Variants in SLC25A15 observed in about 807,000 individuals in gnomAD.
SLC25A15 encodes the protein solute carrier family 25 member 15.
In SLC25A15, 24 loss-of-function variants were observed where a neutral mutation model predicts 32.3. The ratio of observed to expected loss-of-function variants is 0.74; its 90% confidence interval spans 0.54 to 1.04. The LOEUF (loss-of-function observed/expected upper bound fraction) is 1.04. SLC25A15 is among the 50% of genes least tolerant of loss of function. SLC25A15 has a pLI of 0.00. For synonymous variants in SLC25A15, 132 were observed against 142.1 expected, an observed-to-expected ratio of 0.93 and a Z score of 0.51; for missense variants, 317 against 374.5, an observed-to-expected ratio of 0.85 and a Z score of 1.27.
chr13:40,811,846 G>A lies in SLC25A15; in HGVS notation c.*2179G>A, dbSNP rs1043329024. ...TGTACAAAACCTCCAGGTTCCTTAA[G>A]CTTTTTGCTGTCCATGAATCCTCTG... On this transcript the variant is annotated 3_prime_UTR_variant, in exon 7 of 7. Transcript: ENST00000338625. 1.4e-4 allele frequency among the ~76,000 whole-genome samples: 22 copies of A among 152,156 alleles called. No individual in the cohort carries two copies. Among genetic ancestry groups the A allele is most frequent in the African/African-American group, 4.1e-4 (17 of 41,442 alleles).
In SLC25A15 at chr13:40,811,405, C is replaced by G. The variant is rs1452036110; in HGVS notation, c.*1738C>G. 6.6e-6 allele frequency among the ~76,000 whole-genome samples: 1 copy of G among 152,090 alleles called. No individual in the cohort carries two copies. The highest frequency in any genetic ancestry group is 1.9e-4 in the East Asian group (1 of 5,178). On this transcript the variant is annotated 3_prime_UTR_variant, in exon 7 of 7. Coordinates refer to ENST00000338625, the MANE Select transcript of SLC25A15 (RefSeq NM_014252.4). Reference sequence around the variant, plus strand: ...TCAGGAGGCTGAGGCAGGAGAATCGCTTGAACCCGGGAGGCAGAGGTTGCA... The same window carrying G: ...TCAGGAGGCTGAGGCAGGAGAATCGGTTGAACCCGGGAGGCAGAGGTTGCA...
intron 3 of SLC25A15, 22 bp downstream of exon 3, chr13:40,799,337 T>A: frequency 6.2e-7 from 1 of 1,613,962 alleles, no homozygotes. Flanking sequence ...ACACACACTT[T>A]TTTTATTTGT....
chr13:40,794,340 C>CAA (rs148747444), intron 2 of SLC25A15, among the ~76,000 whole-genome samples: 3 of 87,900 alleles, frequency 3.4e-5, no homozygotes, highest in Non-Finnish European at 4.7e-5. Flanking sequence ...AACTCTGTCT[C>CAA]AAAAAAAAAA....
chr13:40,804,613 G>A lies in SLC25A15; in HGVS notation c.315-505G>A, dbSNP rs192149769. Among the ~76,000 whole-genome samples, 402 of 150,594 alleles carry A rather than the reference G, an allele frequency of 2.7e-3. 1 individual carries two copies. The highest frequency in any genetic ancestry group is 9.5e-3 in the African/African-American group (390 of 40,988). On this transcript the variant is annotated intron_variant, in intron 3 of 6. Coordinates refer to ENST00000338625, the MANE Select transcript of SLC25A15 (RefSeq NM_014252.4). ...CTAGAGTACAGTGGCACAATCTCAG[G>A]TCACTGCAAGCTCTGCCTCCTGGGT...
In SLC25A15 at chr13:40,799,174, TG is replaced by T; in HGVS notation, c.176del (p.Gly59AlafsTer13). The T allele has an allele frequency of 6.2e-7, 1 of 1,614,168 alleles. No homozygotes were observed. Among genetic ancestry groups the T allele is most frequent in the Non-Finnish European group, 8.5e-7 (1 of 1,180,014 alleles). ...TGCTGCCTGAAGACTTACTCCCAGG[TG>T]GGCTTCCGTGGCTTCTACAAGGGTA... ...TDCCLKTYSQVGFRGFYKGTS... is the reference protein window; with the variant it reads ...TDCCLKTYSQXGFRGFYKGTS... On this transcript the variant is annotated frameshift_variant, in exon 3 of 7. Coordinates refer to ENST00000338625, the MANE Select transcript of SLC25A15 (RefSeq NM_014252.4). LOFTEE classifies it high-confidence loss of function.
intron 3 of SLC25A15, among the ~76,000 whole-genome samples, chr13:40,803,610 C>T (rs1334582585): frequency 6.6e-6 from 1 of 152,206 alleles, no homozygotes; most frequent in East Asian, 1.9e-4. Context: ...GCATTCATCC[C>T]TCTGCCTAGT....
At chr13:40,809,062 C>G (rs998423536) in intron 6 of SLC25A15, among the ~76,000 whole-genome samples, 1 of 152,058 alleles carries the variant, frequency 6.6e-6, no homozygotes, top group Non-Finnish European at 1.5e-5. Flanking sequence ...CATAGTAATC[C>G]TCCCTTACAT....
chr13:40,802,544 T>C (rs916218611), intron 3 of SLC25A15, among the ~76,000 whole-genome samples: 2 of 151,750 alleles, frequency 1.3e-5, no homozygotes, highest in Admixed American at 1.3e-4. Context: ...CTGGAAAAAC[T>C]TGAGTACCCC....
At chr13:40,793,349 G>A in intron 2 of SLC25A15, 68 bp downstream of exon 2, 1 of 1,279,144 alleles carries the variant, frequency 7.8e-7, no homozygotes, top group South Asian at 1.2e-5. Context: ...GTGGTCCCAT[G>A]AGATTATACT....
At chr13:40,798,917 A>G in intron 2 of SLC25A15, 140 bp from the exon 3 acceptor site, 1 of 1,579,220 alleles carries the variant, frequency 6.3e-7, no homozygotes, top group Non-Finnish European at 8.6e-7. Flanking sequence ...TTTACTGGAC[A>G]TGGCTGGAAG....
rs150310747 is a variant in SLC25A15 at position 40,811,095 on chromosome 13, C to G, written c.*1428C>G. Among the ~76,000 whole-genome samples the G allele has an allele frequency of 6.6e-6, 1 of 152,316 alleles. No homozygotes were observed. The highest frequency in any genetic ancestry group is 1.9e-4 in the East Asian group (1 of 5,188). On this transcript the variant is annotated 3_prime_UTR_variant, in exon 7 of 7. Coordinates refer to ENST00000338625, the MANE Select transcript of SLC25A15 (RefSeq NM_014252.4). ...CCATCCTGAAGCCTGTCTTGCCATG[C>G]TTTTACAGTGTTGGAGGCTTCTACA...
intron 2 of SLC25A15, among the ~76,000 whole-genome samples, chr13:40,797,657 G>C (rs963542040): frequency 6.6e-6 from 1 of 152,126 alleles, no homozygotes; most frequent in African/African-American, 2.4e-5. Flanking sequence ...TTAAAAAAGA[G>C]ATCAAGCAGT....
At chr13:40,805,294 C>A (rs1025716214) in intron 4 of SLC25A15, 39 bp downstream of exon 4, 3 of 1,611,994 alleles carry the variant, frequency 1.9e-6, no homozygotes, top group East Asian at 2.2e-5. Flanking sequence ...GTCTCTATTG[C>A]CCTAGTGTAT....
In SLC25A15 at chr13:40,811,411, C is replaced by T. The variant is rs1037500048; in HGVS notation, c.*1744C>T. ...GGCTGAGGCAGGAGAATCGCTTGAA[C>T]CCGGGAGGCAGAGGTTGCAGTGAAC... On this transcript the variant is annotated 3_prime_UTR_variant, in exon 7 of 7. Transcript: ENST00000338625. Among the ~76,000 whole-genome samples, 3 of 152,240 alleles carry T rather than the reference C, an allele frequency of 2.0e-5. No individual in the cohort carries two copies. The highest frequency in any genetic ancestry group is 7.2e-5 in the African/African-American group (3 of 41,544).
At chr13:40,801,380 T>G (rs959085550) in intron 3 of SLC25A15, among the ~76,000 whole-genome samples, 1 of 151,452 alleles carries the variant, frequency 6.6e-6, no homozygotes, top group Non-Finnish European at 1.5e-5. Flanking sequence ...TCTCTTAGAG[T>G]CTACAAAGCT....
In SLC25A15 at chr13:40,810,873, C is replaced by T. The variant is rs1882418165; in HGVS notation, c.*1206C>T. On this transcript the variant is annotated 3_prime_UTR_variant, in exon 7 of 7. Transcript: ENST00000338625. ...TTGTCTCTGGGTCCTGGCCTGGGGC[C>T]ATCAATCCACTTTGGGCCACTCACT... 1.9e-6 allele frequency: 1 copy of T among 534,492 alleles called. No homozygotes were observed. The highest frequency in any genetic ancestry group is 3.8e-6 in the Non-Finnish European group (1 of 260,070). The allele number at this position is 534,492 out of a possible 1,614,324, so 33.1% of individuals were successfully genotyped here. A position where few individuals can be genotyped will look rare whatever the true frequency, so the allele number is the denominator to read the frequency against.
At chr13:40,793,565 C>T (rs780121991) in intron 2 of SLC25A15, among the ~76,000 whole-genome samples, 21 of 152,080 alleles carry the variant, frequency 1.4e-4, no homozygotes, top group African/African-American at 4.1e-4. Flanking sequence ...AGCACAATGA[C>T]GAAATTGTGT....
At chr13:40,794,995 C>A (rs1881623937) in intron 2 of SLC25A15, among the ~76,000 whole-genome samples, 1 of 152,228 alleles carries the variant, frequency 6.6e-6, no homozygotes, top group South Asian at 2.1e-4. Flanking sequence ...GGCAAGGGCA[C>A]TTCTCCCAGG....
At chr13:40,800,798 A>G (rs1881847536) in intron 3 of SLC25A15, among the ~76,000 whole-genome samples, 1 of 152,102 alleles carries the variant, frequency 6.6e-6, no homozygotes, top group African/African-American at 2.4e-5. Context: ...TTACAGCTGC[A>G]TTTTCCCACA....
Sources: allele counts gnomAD v4.1 joint callset (sites outside exome capture counted in the v4.1 genomes callset), GRCh38; gene constraint gnomAD v4.1.1; transcripts MANE v1.5; gene names NCBI Gene and HGNC (gene_info 2026-07-23, HGNC 2026-07-21).